Variants in MAK observed in about 807,000 individuals in gnomAD.
MAK encodes serine/threonine-protein kinase MAK.
MAK carries 65 observed loss-of-function variants against 82.6 expected under a neutral mutation model. The ratio of observed to expected loss-of-function variants is 0.79; its 90% CI spans 0.64 to 0.97. MAK has a LOEUF of 0.97. MAK is among the 50% of genes least tolerant of loss of function. MAK has a pLI of 0.00. For synonymous variants in MAK, 250 were observed against 274.2 expected (o/e 0.91, Z 0.87); for missense variants, 703 against 780.2 (o/e 0.90, Z 1.18).
In MAK at chr6:10,796,194, A is replaced by G; in HGVS notation, c.947T>C (p.Leu316Ser). 1 of 1,614,204 alleles carries G rather than the reference A, an allele frequency of 6.2e-7. No individual in the cohort carries two copies. Among genetic ancestry groups the G allele is most frequent in the Non-Finnish European group, 8.5e-7 (1 of 1,180,024 alleles). Residue 316 changes from leucine to serine, a missense_variant, in exon 9 of 15, where the codon TTA becomes TCA. Physicochemically the swap from Leu to Ser is moderately radical, Grantham distance 145. Transcript: ENST00000354489. ...CAGAGGCTTAGGCTCTACCTCAACTAAAGATGGCTTTGATTCTAATGGTTG... is the reference window on the plus strand; with the variant it reads ...CAGAGGCTTAGGCTCTACCTCAACTGAAGATGGCTTTGATTCTAATGGTTG... ...QLQPLESKPSLVEVEPKPLPD... is the reference protein window; with the variant it reads ...QLQPLESKPSSVEVEPKPLPD...
chr6:10,764,354 G>A lies in MAK; in HGVS notation c.*98C>T. ...TACCCACTTTTGCATATTTCTTCCAGAACTCAGTAGAAATAGACATTTGTA... is the reference window on the plus strand; with the variant it reads ...TACCCACTTTTGCATATTTCTTCCAAAACTCAGTAGAAATAGACATTTGTA... On this transcript the variant is annotated 3_prime_UTR_variant, in exon 15 of 15. Transcript: ENST00000354489. The A allele has an allele frequency of 7.5e-7, 1 of 1,326,536 alleles. No individual in the cohort carries two copies. Among genetic ancestry groups the A allele is most frequent in the Non-Finnish European group, 1.1e-6 (1 of 949,162 alleles). The allele number at this position is 1,326,536 out of a possible 1,614,324, so 82.2% of individuals were successfully genotyped here.
At chr6:10,834,322 T>C (rs1779011019) in intron 1 of MAK, among the ~76,000 whole-genome samples, 1 of 152,150 alleles carries the variant, frequency 6.6e-6, no homozygotes, top group Admixed American at 6.5e-5. Context: ...AATAAAAACA[T>C]GGAAGGATTA....
At chr6:10,809,376 A>G (rs1277815925) in intron 5 of MAK, among the ~76,000 whole-genome samples, 1 of 152,166 alleles carries the variant, frequency 6.6e-6, no homozygotes, top group Non-Finnish European at 1.5e-5. Context: ...TTTGTTTTTA[A>G]GATAGGTCTT....
chr6:10,795,988 G>C lies in MAK; in HGVS notation c.1143+10C>G. On this transcript the variant is annotated intron_variant, in intron 9 of 14. Coordinates refer to ENST00000354489, the MANE Select transcript of MAK (RefSeq NM_001242957.3). ...CTATTTCATTGCAAGTGTCATGACT[G>C]GCTACTCACAGTTGGCATGTTTTTG... 1.2e-6 allele frequency: 2 copies of C among 1,612,702 alleles called. No homozygotes were observed. The highest frequency in any genetic ancestry group is 1.7e-6 in the Non-Finnish European group (2 of 1,178,786).
At chr6:10,778,586 G>A (rs746015080) in intron 11 of MAK, among the ~76,000 whole-genome samples, 1 of 152,046 alleles carries the variant, frequency 6.6e-6, no homozygotes, top group African/African-American at 2.4e-5. Context: ...CAACAGTTTG[G>A]GCAGAGGACC....
intron 8 of MAK, 43 bp from the exon 9 acceptor site, chr6:10,796,352 C>G: frequency 6.6e-7 from 1 of 1,506,224 alleles, no homozygotes; most frequent in Non-Finnish European, 9.2e-7. Context: ...AACAGTTCCA[C>G]CTAAATGTAT....
chr6:10,802,292 CT>C (rs1293500716), intron 7 of MAK: 40 of 485,476 alleles, frequency 8.2e-5, no homozygotes, highest in Admixed American at 1.1e-4. Context: ...ACTTTTATAG[CT>C]TTTTTTTGTT....
chr6:10,791,619 G>C (rs1421320607), intron 10 of MAK, 56 bp downstream of exon 10: 2 of 1,505,474 alleles, frequency 1.3e-6, no homozygotes, highest in Non-Finnish European at 9.2e-7. Flanking sequence ...TATTTAATGA[G>C]TAAAATAAAG....
chr6:10,773,102 C>T lies in MAK; in HGVS notation c.1604G>A (p.Ser535Asn). The T allele has an allele frequency of 6.7e-7, 1 of 1,500,212 alleles. No individual in the cohort carries two copies. Among genetic ancestry groups the T allele is most frequent in the Non-Finnish European group, 8.9e-7 (1 of 1,117,320 alleles). The allele number at this position is 1,500,212 out of a possible 1,614,324, so 92.9% of individuals were successfully genotyped here. A position where few individuals can be genotyped will look rare whatever the true frequency, so the allele number is the denominator to read the frequency against. Residue 535 changes from serine to asparagine, a missense_variant, in exon 13 of 15, where the codon AGC (serine) becomes AAC (asparagine). Physicochemically the swap from Ser to Asn is conservative, Grantham distance 46. Transcript: ENST00000354489. The stretch of plus-strand genomic sequence containing the variant: ...TAGTTTTTCGATTGGTTTAATTATG[C>T]TTTCTTCTAAAGAGAAGACAGATGG... The part of the protein sequence containing the change: ...LAFKRSNAEE[S>N]IIKPIEKLSC...
chr6:10,771,405 G>A (rs1164232182), intron 13 of MAK, among the ~76,000 whole-genome samples: 1 of 152,142 alleles, frequency 6.6e-6, no homozygotes, highest in Non-Finnish European at 1.5e-5. Context: ...CTGGGATCTG[G>A]CCACTAGGAT....
At chr6:10,779,914 T>C (rs1171298600) in intron 11 of MAK, among the ~76,000 whole-genome samples, 1 of 152,218 alleles carries the variant, frequency 6.6e-6, no homozygotes, top group Non-Finnish European at 1.5e-5. Context: ...CTCGAATTCC[T>C]GACCTCAGGT....
At chr6:10,783,554 TACCAAAACATG>T (rs1428421016) in intron 11 of MAK, among the ~76,000 whole-genome samples, 1 of 152,196 alleles carries the variant, frequency 6.6e-6, no homozygotes, top group Non-Finnish European at 1.5e-5. Flanking sequence ...TTGGTTCCAG[TACCAAAACATG>T]TCTAGGTTTT....
At chr6:10,771,707 A>G (rs757303205) in intron 13 of MAK, among the ~76,000 whole-genome samples, 1 of 152,220 alleles carries the variant, frequency 6.6e-6, no homozygotes, top group Non-Finnish European at 1.5e-5. Context: ...TCAAAGCGCA[A>G]TATTATGTTA....
intron 4 of MAK, among the ~76,000 whole-genome samples, chr6:10,815,928 A>ATATG (rs1777454725): frequency 7.9e-6 from 1 of 126,892 alleles, no homozygotes. Context: ...ATATATATAT[A>ATATG]TATATATATA....
At chr6:10,809,070 G>T in intron 5 of MAK, 128 bp from the exon 6 acceptor site, 1 of 885,726 alleles carries the variant, frequency 1.1e-6, no homozygotes, top group Non-Finnish European at 1.8e-6. Context: ...TAGGAAAAAA[G>T]TAAACCATAT....
chr6:10,784,380 T>C (rs753505148), intron 11 of MAK, 44 bp downstream of exon 11: 5 of 1,607,514 alleles, frequency 3.1e-6, no homozygotes, highest in Admixed American at 3.3e-5. Flanking sequence ...ACCTGACCTA[T>C]CTATACTCTA....
At chr6:10,831,686 C>T (rs1778818549) in intron 1 of MAK, among the ~76,000 whole-genome samples, 1 of 152,072 alleles carries the variant, frequency 6.6e-6, no homozygotes, top group Non-Finnish European at 1.5e-5. Flanking sequence ...TTCAAGGTTA[C>T]AGTGAGCTAT....
At chr6:10,810,269 AG>A (rs1470333092) in intron 5 of MAK, among the ~76,000 whole-genome samples, 2 of 151,600 alleles carry the variant, frequency 1.3e-5, no homozygotes, top group Non-Finnish European at 2.9e-5. Context: ...CTTGGGAGGC[AG>A]GGAGACTGCA....
chr6:10,832,006 T>C (rs956861010), intron 1 of MAK, among the ~76,000 whole-genome samples: 9 of 152,152 alleles, frequency 5.9e-5, no homozygotes, highest in African/African-American at 2.2e-4. Context: ...CTTGGCTCAC[T>C]GTAACCTCCG....
Sources: gnomAD v4.1 joint callset for allele counts (sites outside exome capture counted in the v4.1 genomes callset) on GRCh38, gnomAD v4.1.1 for gene constraint, MANE v1.5 for transcripts, NCBI Gene and HGNC (gene_info 2026-07-23, HGNC 2026-07-21) for gene names.